The following ZFAND5 variants were observed in gnomAD, a reference collection of about 807,000 sequenced individuals.
ZFAND5 encodes AN1-type zinc finger protein 5.
Under a neutral mutation model 23.6 loss-of-function variants are expected in ZFAND5, and 4 were observed. The ratio of observed to expected loss-of-function variants is 0.17; its 90% CI spans 0.08 to 0.39. The LOEUF (loss-of-function observed/expected upper bound fraction) is 0.39. Among genes scored for constraint, ZFAND5 ranks in the 10% least tolerant of loss-of-function variants. The pLI, the probability that ZFAND5 is intolerant of heterozygous loss-of-function variation, is 1.00. For missense variants in ZFAND5, 161 were observed against 253.7 expected (o/e 0.63, Z 2.48); for synonymous variants, 68 against 80.6 (o/e 0.84, Z 0.84).
chr9:72,362,582 TCA>T (rs1453437206), intron 2 of ZFAND5, among the ~76,000 whole-genome samples: 1 of 152,210 alleles, frequency 6.6e-6, no homozygotes, highest in East Asian at 1.9e-4. Context: ...TCTAAAGATT[TCA>T]CACACTCAGA....
Position 72,364,696 on chromosome 9 carries a change from C to T in ZFAND5, c.-147G>A. 1.0e-6 allele frequency: 1 copy of T among 967,634 alleles called. No homozygotes were observed. Among genetic ancestry groups the T allele is most frequent in the Non-Finnish European group, 1.3e-6 (1 of 771,048 alleles). 59.9% of individuals were successfully genotyped at this position (967,634 alleles called of 1,614,324 possible). Reference sequence around the variant, plus strand: ...CCACCCGCAGCCCCGTATCACTCACCCTGCAGGGTCCCAAATGCGAAAGCC... The same window carrying T: ...CCACCCGCAGCCCCGTATCACTCACTCTGCAGGGTCCCAAATGCGAAAGCC... On this transcript the variant is annotated splice_region_variant and 5_prime_UTR_variant, in exon 1 of 7. Transcript: ENST00000376962.
chr9:72,357,102 CAT>C, intron 5 of ZFAND5, 46 bp from the exon 6 acceptor site: 5 of 1,585,682 alleles, frequency 3.2e-6, no homozygotes, highest in Non-Finnish European at 4.3e-6. Context: ...CACTGGCTAA[CAT>C]TTTTAAGTCA....
chr9:72,359,740 T>C (rs1009431665), intron 4 of ZFAND5, among the ~76,000 whole-genome samples: 1 of 152,134 alleles, frequency 6.6e-6, no homozygotes, highest in Non-Finnish European at 1.5e-5. Context: ...TTTGTATAGG[T>C]TACCATATTT....
At chr9:72,358,976 T>G (rs1355193107) in intron 5 of ZFAND5, among the ~76,000 whole-genome samples, 1 of 6,564 alleles carries the variant, frequency 1.5e-4, no homozygotes, top group Admixed American at 3.6e-3. Context: ...AGTTTCAAAC[T>G]CCCACAAAAT....
rs1451163745 is a variant in ZFAND5 at position 72,360,506 on chromosome 9, G to C, written c.151+122C>G. 3.0e-6 allele frequency: 4 copies of C among 1,350,418 alleles called. No individual in the cohort carries two copies. In the African/African-American group the frequency reaches 4.4e-5, roughly 15 times the overall value. The allele number at this position is 1,350,418 out of a possible 1,614,324, so 83.7% of individuals were successfully genotyped here. On this transcript the variant is annotated intron_variant, in intron 3 of 6. Coordinates refer to ENST00000376962, the MANE Select transcript of ZFAND5 (RefSeq NM_001102420.3). ...ATGTCAAGCACTTGGGCTGTTGCTT[G>C]AATTTCAAGCTCTTATCAGGTGTTC...
intron 5 of ZFAND5, among the ~76,000 whole-genome samples, chr9:72,358,442 CTAAG>C (rs1256433279): frequency 1.3e-5 from 2 of 152,036 alleles, no homozygotes; most frequent in African/African-American, 4.8e-5. Flanking sequence ...AGAATGCCTA[CTAAG>C]TAATAATAAA....
At chr9:72,362,297 GCAT>G (rs1490457119) in intron 2 of ZFAND5, among the ~76,000 whole-genome samples, 1 of 152,168 alleles carries the variant, frequency 6.6e-6, no homozygotes, top group Non-Finnish European at 1.5e-5. Context: ...TTTTAAATGA[GCAT>G]AATAGGAGCA....
Position 72,352,804 on chromosome 9 carries a change from A to G in ZFAND5, c.*3149T>C, listed in dbSNP as rs974611157. On this transcript the variant is annotated 3_prime_UTR_variant, in exon 7 of 7. Coordinates refer to ENST00000376962, the MANE Select transcript of ZFAND5 (RefSeq NM_001102420.3). Reference sequence around the variant, plus strand: ...ATAGCAAATACAATGTGCCAGGCACAGTTTTAAGTGTTGTCACCTTCACAC... The same window carrying G: ...ATAGCAAATACAATGTGCCAGGCACGGTTTTAAGTGTTGTCACCTTCACAC... 7.9e-5 allele frequency: 12 copies of G among 152,268 alleles called. No homozygotes were observed. The highest frequency in any genetic ancestry group is 1.3e-4 in the Non-Finnish European group (9 of 68,046). 9.4% of individuals were successfully genotyped at this position (152,268 alleles called of 1,614,324 possible). A position where few individuals can be genotyped will look rare whatever the true frequency, so the allele number is the denominator to read the frequency against.
In ZFAND5 at chr9:72,353,370, A is replaced by AAAAAAAAAC. The variant is rs1258498928; in HGVS notation, c.*2574_*2582dup. On this transcript the variant is annotated 3_prime_UTR_variant, in exon 7 of 7. Coordinates refer to ENST00000376962, the MANE Select transcript of ZFAND5 (RefSeq NM_001102420.3). ...ATGTTTCTTGTAAAACAAACAAACA[A>AAAAAAAAAC]AAAAAAAACAAAAAAAACTGATTGG... 1.3e-5 allele frequency: 2 copies of AAAAAAAAAC among 151,152 alleles called. No homozygotes were observed. The highest frequency in any genetic ancestry group is 2.4e-5 in the African/African-American group (1 of 41,038). 9.4% of individuals were successfully genotyped at this position (151,152 alleles called of 1,614,324 possible).
In ZFAND5 at chr9:72,352,364, T is replaced by C. The variant is rs1035132573; in HGVS notation, c.*3589A>G. ...GAGTCAAATCAAGTCTTTGTACATA[T>C]TCAAATATTTACATGTGGAAAAGAT... On this transcript the variant is annotated 3_prime_UTR_variant, in exon 7 of 7. Coordinates refer to ENST00000376962, the MANE Select transcript of ZFAND5 (RefSeq NM_001102420.3). 7 of 152,138 alleles carry C rather than the reference T, an allele frequency of 4.6e-5. No homozygotes were observed. Among genetic ancestry groups the C allele is most frequent in the African/African-American group, 1.7e-4 (7 of 41,430 alleles). The allele number at this position is 152,138 out of a possible 1,614,324, so 9.4% of individuals were successfully genotyped here.
rs764342223 is a variant in ZFAND5 at position 72,357,041 on chromosome 9, C to T, written c.383G>A (p.Ser128Asn). 6.2e-7 allele frequency: 1 copy of T among 1,613,214 alleles called. No homozygotes were observed. The highest frequency in any genetic ancestry group is 1.3e-5 in the African/African-American group (1 of 74,860). The change falls in exon 6 of 7, where the codon AGT becomes AAT. Residue 128 changes from serine (S) to asparagine (N), a missense_variant. By Grantham distance (46) the Ser-to-Asn change is conservative. Transcript: ENST00000376962. Reference protein sequence around the residue: ...EVSEPVVTQPSPSVSQPSTSQ... With the variant: ...EVSEPVVTQPNPSVSQPSTSQ... ...AGTACTGGGCTGAGAAACTGATGGACTGGGCTGAGTGACAACTGAAAAGGA... is the reference window on the plus strand; with the variant it reads ...AGTACTGGGCTGAGAAACTGATGGATTGGGCTGAGTGACAACTGAAAAGGA...
Position 72,353,660 on chromosome 9 carries a change from A to AAACTCAGCCTGGCCAAACAAAAAACT in ZFAND5, c.*2292_*2293insAGTTTTTTGTTTGGCCAGGCTGAGTT, listed in dbSNP as rs146327065. 1 of 152,058 alleles carries AAACTCAGCCTGGCCAAACAAAAAACT rather than the reference A, an allele frequency of 6.6e-6. No homozygotes were observed. The highest frequency in any genetic ancestry group is 1.5e-5 in the Non-Finnish European group (1 of 68,096). 9.4% of individuals were successfully genotyped at this position (152,058 alleles called of 1,614,324 possible). ...TTGCACTGCAGCCTGGCCAAACAAA[A>AAACTCAGCCTGGCCAAACAAAAAACT]ATCTATCTCTTGCTACTACTCAGAC... On this transcript the variant is annotated 3_prime_UTR_variant, in exon 7 of 7. Coordinates refer to ENST00000376962, the MANE Select transcript of ZFAND5 (RefSeq NM_001102420.3).
chr9:72,354,734 C>G lies in ZFAND5; in HGVS notation c.*1219G>C, dbSNP rs1841887596. 1 of 152,464 alleles carries G rather than the reference C, an allele frequency of 6.6e-6. No individual in the cohort carries two copies. The highest frequency in any genetic ancestry group is 2.4e-5 in the African/African-American group (1 of 41,426). The allele number at this position is 152,464 out of a possible 1,614,324, so 9.4% of individuals were successfully genotyped here. Reference sequence around the variant, plus strand: ...GCATTACCACAACACTAACTATACTCATTTATATATAAAAAACACAAGTTT... The same window carrying G: ...GCATTACCACAACACTAACTATACTGATTTATATATAAAAAACACAAGTTT... On this transcript the variant is annotated 3_prime_UTR_variant, in exon 7 of 7. Transcript: ENST00000376962.
At chr9:72,361,178 A>G (rs1212780246) in intron 2 of ZFAND5, among the ~76,000 whole-genome samples, 2 of 152,228 alleles carry the variant, frequency 1.3e-5, no homozygotes, top group Non-Finnish European at 2.9e-5. Context: ...GCTAATCACA[A>G]TTATCACTGA....
At chr9:72,362,519 T>C (rs544992105) in intron 2 of ZFAND5, among the ~76,000 whole-genome samples, 1 of 152,350 alleles carries the variant, frequency 6.6e-6, no homozygotes, top group South Asian at 2.1e-4. Context: ...TAAGTAATTT[T>C]AGTTAATCTG....
Position 72,355,908 on chromosome 9 carries a change from A to G in ZFAND5, c.*45T>C, listed in dbSNP as rs137896142. 6.4e-7 allele frequency: 1 copy of G among 1,559,678 alleles called. No homozygotes were observed. The highest frequency in any genetic ancestry group is 1.4e-5 in the African/African-American group (1 of 72,334). ...CTGCTCTTTAATGTTTTCCTACGAT[A>G]TATTAAAATAAAAACAAAGTTTCAG... On this transcript the variant is annotated 3_prime_UTR_variant, in exon 7 of 7. Coordinates refer to ENST00000376962, the MANE Select transcript of ZFAND5 (RefSeq NM_001102420.3).
In ZFAND5 at chr9:72,355,919, A is replaced by G. The variant is rs1231627566; in HGVS notation, c.*34T>C. 5 of 1,569,638 alleles carry G rather than the reference A, an allele frequency of 3.2e-6. No individual in the cohort carries two copies. Among genetic ancestry groups the G allele is most frequent in the Admixed American group, 4.1e-5 (2 of 49,132 alleles). ...TGTTTTCCTACGATATATTAAAATA[A>G]AAACAAAGTTTCAGTCTCTTCACAA... On this transcript the variant is annotated 3_prime_UTR_variant, in exon 7 of 7. Coordinates refer to ENST00000376962, the MANE Select transcript of ZFAND5 (RefSeq NM_001102420.3).
At chr9:72,361,409 T>C (rs1322315863) in intron 2 of ZFAND5, among the ~76,000 whole-genome samples, 5 of 152,208 alleles carry the variant, frequency 3.3e-5, no homozygotes, top group Non-Finnish European at 5.9e-5. Flanking sequence ...TAGGGTCAGC[T>C]GGTTTACGAA....
Position 72,360,647 on chromosome 9 carries a change from A to G in ZFAND5, c.132T>C (p.Ser44=). Residue 44 remains serine (S), a synonymous_variant, in exon 3 of 7, where the codon AGT becomes AGC. Transcript: ENST00000376962. The part of the protein sequence containing the change: ...YKEHLQRQQN[S]GRMSPMGTAS... ...ACTTACCCATTGGGCTCATTCTGCC[A>G]CTATTTTGCTGCCTCTGAAGATGTT... 6.2e-7 allele frequency: 1 copy of G among 1,613,988 alleles called. No homozygotes were observed. The highest frequency in any genetic ancestry group is 1.1e-5 in the South Asian group (1 of 91,080).
Sources: allele counts gnomAD v4.1 joint callset (sites outside exome capture counted in the v4.1 genomes callset), GRCh38; gene constraint gnomAD v4.1.1; transcripts MANE v1.5; gene names NCBI Gene and HGNC (gene_info 2026-07-23, HGNC 2026-07-21).